The following NOL4 variants were observed in gnomAD, a reference collection of about 807,000 sequenced individuals.
NOL4 encodes nucleolar protein 4, also known as cancer/testis antigen 125.
NOL4 carries 17 observed loss-of-function variants against 75.9 expected under a neutral mutation model. The observed-to-expected ratio is 0.22, with a 90% CI of 0.15 to 0.34. NOL4 has a LOEUF of 0.34. NOL4 is among the 10% of genes least tolerant of loss of function. The pLI is 1.00. For missense variants in NOL4, 614 were observed against 793.5 expected (o/e 0.77, Z 2.72); for synonymous variants, 292 against 289.9 (o/e 1.01, Z -0.07).
At chr18:33,872,939 A>T (rs567749968) in intron 10 of NOL4, among the ~76,000 whole-genome samples, 24 of 152,098 alleles carry the variant, frequency 1.6e-4, no homozygotes, top group South Asian at 4.1e-4. Flanking sequence ...GGCAGAAAAA[A>T]TTCCTAAATA....
intron 9 of NOL4, among the ~76,000 whole-genome samples, chr18:33,927,258 A>G (rs1457831056): frequency 2.6e-5 from 4 of 152,210 alleles, no homozygotes; most frequent in Non-Finnish European, 5.9e-5. Context: ...ATTAAACTGT[A>G]TCATGTAAAA....
chr18:34,199,523 G>C (rs143377929), intron 1 of NOL4, among the ~76,000 whole-genome samples: 29 of 151,950 alleles, frequency 1.9e-4, no homozygotes, highest in African/African-American at 7.0e-4. Context: ...ACTTAACTCT[G>C]AATCCACAGC....
At chr18:33,915,364 T>C (rs1178733629) in intron 9 of NOL4, among the ~76,000 whole-genome samples, 1 of 152,066 alleles carries the variant, frequency 6.6e-6, no homozygotes, top group Admixed American at 6.6e-5. Flanking sequence ...GAAAGAGAAA[T>C]GTGGAAACTG....
intron 9 of NOL4, among the ~76,000 whole-genome samples, chr18:33,912,994 G>A (rs577616573): frequency 2.6e-5 from 4 of 151,976 alleles, no homozygotes; most frequent in Admixed American, 6.6e-5. Context: ...TTTAATAAAC[G>A]TTTTATCTCA....
At chr18:34,158,003 C>G (rs1360520391) in intron 1 of NOL4, among the ~76,000 whole-genome samples, 1 of 152,096 alleles carries the variant, frequency 6.6e-6, no homozygotes, top group Non-Finnish European at 1.5e-5. Context: ...AGTATCCCAC[C>G]TATCAGCTTT....
chr18:33,863,707 G>A (rs991729806), intron 10 of NOL4, among the ~76,000 whole-genome samples: 2 of 152,204 alleles, frequency 1.3e-5, no homozygotes, highest in Non-Finnish European at 2.9e-5. Flanking sequence ...CATGGTGCAA[G>A]TTGTCAGTGG....
At chr18:34,218,540 C>T (rs2037075689) in intron 1 of NOL4, among the ~76,000 whole-genome samples, 1 of 152,220 alleles carries the variant, frequency 6.6e-6, no homozygotes, top group Admixed American at 6.5e-5. Flanking sequence ...CCACTGTTCC[C>T]TGCGAGCTGA....
chr18:34,176,804 A>C (rs949642081), intron 1 of NOL4, among the ~76,000 whole-genome samples: 1 of 152,054 alleles, frequency 6.6e-6, no homozygotes, highest in Admixed American at 6.6e-5. Context: ...TGAGAAAATT[A>C]ATTTCTGTTT....
intron 5 of NOL4, among the ~76,000 whole-genome samples, chr18:34,024,820 T>C (rs1325213323): frequency 6.6e-6 from 1 of 152,184 alleles, no homozygotes; most frequent in Non-Finnish European, 1.5e-5. Flanking sequence ...TGATTAAAAA[T>C]ATGTATCTGT....
intron 9 of NOL4, among the ~76,000 whole-genome samples, chr18:33,902,984 C>T (rs1022335274): frequency 7.2e-5 from 11 of 152,028 alleles, no homozygotes; most frequent in Admixed American, 5.3e-4. Context: ...ATTTTGAGCC[C>T]TTTAACATCT....
At chr18:34,061,829 A>G (rs113926046) in intron 5 of NOL4, among the ~76,000 whole-genome samples, 1,549 of 152,246 alleles carry the variant, frequency 0.01, 23 homozygotes, top group Middle Eastern at 0.037. Context: ...CGTCTTAAAT[A>G]TCTATTGTAT....
At chr18:33,883,182 T>C (rs2064412032) in intron 10 of NOL4, 62 bp downstream of exon 10, 3 of 1,307,736 alleles carry the variant, frequency 2.3e-6, no homozygotes, top group East Asian at 2.3e-5. Flanking sequence ...AATGTGCACA[T>C]GTACCCTAAA....
chr18:34,143,972 T>A (rs1191209131), intron 1 of NOL4, among the ~76,000 whole-genome samples: 1 of 152,118 alleles, frequency 6.6e-6, no homozygotes, highest in Non-Finnish European at 1.5e-5. Flanking sequence ...TTCTATGTTG[T>A]ATAAATACTT....
chr18:34,105,244 A>G (rs770830088), intron 2 of NOL4, 84 bp from the exon 3 acceptor site: 12 of 885,744 alleles, frequency 1.4e-5, no homozygotes, highest in Non-Finnish European at 2.2e-5. Flanking sequence ...ATTTCCAAAT[A>G]AGACACGTTA....
At chr18:34,045,221 C>T (rs2076311960) in intron 5 of NOL4, among the ~76,000 whole-genome samples, 1 of 152,174 alleles carries the variant, frequency 6.6e-6, no homozygotes, top group Non-Finnish European at 1.5e-5. Flanking sequence ...TGAGCCTGGG[C>T]TGTCAAATAA....
At chr18:34,080,882 C>T (rs770991525) in intron 5 of NOL4, among the ~76,000 whole-genome samples, 1 of 152,134 alleles carries the variant, frequency 6.6e-6, no homozygotes, top group Non-Finnish European at 1.5e-5. Flanking sequence ...GATTGTTAAA[C>T]TACATGATAG....
chr18:34,124,216 T>C (rs900702653), intron 2 of NOL4, among the ~76,000 whole-genome samples: 4 of 152,206 alleles, frequency 2.6e-5, no homozygotes, highest in Non-Finnish European at 5.9e-5. Flanking sequence ...CTAAGCCTGA[T>C]AGAGATTTTC....
At chr18:34,177,993 GT>G (rs1157393015) in intron 1 of NOL4, among the ~76,000 whole-genome samples, 1 of 151,652 alleles carries the variant, frequency 6.6e-6, no homozygotes. Context: ...TGTATTTTTT[GT>G]TTGTACCTCT....
intron 1 of NOL4, among the ~76,000 whole-genome samples, chr18:34,150,500 T>G (rs2081594024): frequency 6.6e-6 from 1 of 151,740 alleles, no homozygotes; most frequent in Non-Finnish European, 1.5e-5. Context: ...AAGATAGTTT[T>G]AACAAACATT....
Sources: allele counts gnomAD v4.1 joint callset (sites outside exome capture counted in the v4.1 genomes callset), GRCh38; gene constraint gnomAD v4.1.1; transcripts MANE v1.5; gene names NCBI Gene and HGNC (gene_info 2026-07-23, HGNC 2026-07-21).